COL6A6: variants seen among roughly 807,000 people sequenced by gnomAD.
COL6A6 encodes the protein collagen type VI alpha 6 chain.
Under a neutral mutation model 208.6 loss-of-function variants are expected in COL6A6, and 183 were observed. That is an observed-to-expected ratio of 0.88 (90% CI 0.78 to 0.99). The LOEUF (loss-of-function observed/expected upper bound fraction) is 0.99. COL6A6 is among the 50% of genes least tolerant of loss of function. The pLI is 0.00. For synonymous variants in COL6A6, 973 were observed against 1,011.8 expected, an observed-to-expected ratio of 0.96 and a Z score of 0.73; for missense variants, 2,816 against 2,815.2, an observed-to-expected ratio of 1.00 and a Z score of -0.01.
chr3:130,644,077 T>TA (rs778705822), intron 31 of COL6A6, among the ~76,000 whole-genome samples: 1 of 152,284 alleles, frequency 6.6e-6, no homozygotes, highest in South Asian at 2.1e-4. Flanking sequence ...AGGGACTCCA[T>TA]AAAAAATCGC....
intron 11 of COL6A6, among the ~76,000 whole-genome samples, 173 bp from the exon 12 acceptor site, chr3:130,588,917 C>CA (rs58377635): frequency 0.066 from 4,485 of 67,650 alleles, 189 homozygotes; most frequent in South Asian, 0.12. Context: ...AAGATGGAAG[C>CA]AAAAAAAAAA....
chr3:130,653,032 A>G (rs1421350704), intron 33 of COL6A6, among the ~76,000 whole-genome samples: 2 of 152,226 alleles, frequency 1.3e-5, no homozygotes, highest in Non-Finnish European at 2.9e-5. Context: ...TATGAAGTTG[A>G]GTGGCAAGCT....
intron 31 of COL6A6, among the ~76,000 whole-genome samples, chr3:130,644,139 A>G (rs1043677325): frequency 6.6e-6 from 1 of 152,244 alleles, no homozygotes; most frequent in Non-Finnish European, 1.5e-5. Flanking sequence ...TATTTAGAAC[A>G]AAAAAGAAAT....
Position 130,567,257 on chromosome 3 carries a change from A to G in COL6A6, c.1838A>G (p.Glu613Gly). The change falls in exon 5 of 37, where the codon GAA becomes GGA. Residue 613 changes from glutamate to glycine, a missense_variant. Transcript: ENST00000358511. ...RNQVVQEICTEEACKEMKADI... is the reference protein window; with the variant it reads ...RNQVVQEICTGEACKEMKADI... ...CAAGTTGTTCAAGAAATCTGTACTG[A>G]AGAAGGTAAGAGAAATCGTGGCTTT... 1 of 1,601,504 alleles carries G rather than the reference A, an allele frequency of 6.2e-7. No homozygotes were observed. The highest frequency in any genetic ancestry group is 1.7e-5 in the Admixed American group (1 of 58,942).
At chr3:130,585,855 G>A (rs532661712) in intron 10 of COL6A6, among the ~76,000 whole-genome samples, 3 of 152,358 alleles carry the variant, frequency 2.0e-5, no homozygotes, top group South Asian at 4.1e-4. Context: ...GATTCAGTAA[G>A]TGTGGGATGG....
intron 1 of COL6A6, among the ~76,000 whole-genome samples, chr3:130,559,538 C>T (rs76886111): frequency 0.011 from 1,708 of 152,252 alleles, 14 homozygotes; most frequent in Middle Eastern, 0.034. Context: ...TTAAGCAGGA[C>T]ATGGAGACAC....
Position 130,571,002 on chromosome 3 carries a change from T to C in COL6A6, c.2586T>C (p.Tyr862=). ...KYADDPEVLF[Y]LDDFGTKLEV... ...CTGATGACCCAGAGGTGCTGTTTTA[T>C]CTGGATGACTTTGGCACAAAACTGG... The change falls in exon 7 of 37, where the codon TAT becomes TAC. Residue 862 remains tyrosine, a synonymous_variant. Coordinates refer to ENST00000358511, the MANE Select transcript of COL6A6 (RefSeq NM_001102608.3). 6.2e-7 allele frequency: 1 copy of C among 1,614,002 alleles called. No individual in the cohort carries two copies. Among genetic ancestry groups the C allele is most frequent in the Non-Finnish European group, 8.5e-7 (1 of 1,179,888 alleles).
chr3:130,534,744 C>T (rs529496023), intron 1 of COL6A6, among the ~76,000 whole-genome samples: 39 of 152,088 alleles, frequency 2.6e-4, no homozygotes, highest in African/African-American at 3.6e-4. Context: ...TTTTTTTTCA[C>T]AGCCAGCACC....
At chr3:130,639,103 G>A (rs138622154) in intron 28 of COL6A6, among the ~76,000 whole-genome samples, 31 of 151,888 alleles carry the variant, frequency 2.0e-4, no homozygotes, top group African/African-American at 5.3e-4. Context: ...CTGTTCTGTC[G>A]TCCAGCTTTT....
At position 130,573,859 on chromosome 3, in the gene COL6A6, G is replaced by A. The variant is rs145041870; in HGVS notation, c.2978-97G>A. 2,315 of 863,320 alleles carry A rather than the reference G, an allele frequency of 2.7e-3. 50 individuals are homozygous for A. In the East Asian group the frequency reaches 0.047, roughly 17 times the overall value. The allele number at this position is 863,320 out of a possible 1,614,324, so 53.5% of individuals were successfully genotyped here. ...GCTGGGATTACAGGAGTGAGCCACC[G>A]CGCCCGGCCTATAGCTGCAAACATT... On this transcript the variant is annotated intron_variant, in intron 7 of 36. Coordinates refer to ENST00000358511, the MANE Select transcript of COL6A6 (RefSeq NM_001102608.3).
At chr3:130,659,415 G>A (rs1178175286) in intron 34 of COL6A6, among the ~76,000 whole-genome samples, 1 of 152,200 alleles carries the variant, frequency 6.6e-6, no homozygotes, top group East Asian at 1.9e-4. Context: ...TAATAGCTAA[G>A]AGATATAAAG....
intron 1 of COL6A6, among the ~76,000 whole-genome samples, chr3:130,533,929 ATGTG>A (rs925441329): frequency 4.4e-4 from 67 of 152,154 alleles, no homozygotes; most frequent in African/African-American, 1.6e-3. Flanking sequence ...ATTCCCACGT[ATGTG>A]TGTGTGCACG....
intron 1 of COL6A6, among the ~76,000 whole-genome samples, chr3:130,556,460 C>T (rs1371728691): frequency 6.6e-6 from 1 of 152,052 alleles, no homozygotes; most frequent in Non-Finnish European, 1.5e-5. Flanking sequence ...TTCCAAAGGC[C>T]TGGTGTTTAC....
At chr3:130,592,475 C>T (rs76973073) in intron 13 of COL6A6, 66 bp from the exon 14 acceptor site, 2 of 1,322,152 alleles carry the variant, frequency 1.5e-6, no homozygotes, top group Non-Finnish European at 2.1e-6. Flanking sequence ...AAAAACTTGT[C>T]AAGTTTTCAA....
intron 33 of COL6A6, among the ~76,000 whole-genome samples, chr3:130,654,793 A>T (rs915705059): frequency 1.3e-5 from 2 of 152,188 alleles, no homozygotes; most frequent in African/African-American, 4.8e-5. Context: ...CCGGGGTCTT[A>T]TTATTACTCA....
rs2063236722 is a variant in COL6A6 at position 130,574,150 on chromosome 3, A to C, written c.3172A>C (p.Ile1058Leu). The stretch of plus-strand genomic sequence containing the variant: ...CCCGGAGTTTCCACTGGGAACTTTC[A>C]TAGGTGAAAAAGAGATATCATTTCA... Reference protein sequence around the residue: ...YHPEFPLGTFIGEKEISFQIE... With the variant: ...YHPEFPLGTFLGEKEISFQIE... The change falls in exon 8 of 37, where the codon ATA becomes CTA. Residue 1058 changes from isoleucine to leucine, a missense_variant. Physicochemically the swap from Ile to Leu is conservative, Grantham distance 5. Transcript: ENST00000358511. 1 of 1,614,030 alleles carries C rather than the reference A, an allele frequency of 6.2e-7. No individual in the cohort carries two copies. The highest frequency in any genetic ancestry group is 8.5e-7 in the Non-Finnish European group (1 of 1,179,892).
rs1194162262 is a variant in COL6A6, at chr3:130,581,865, A to G, written c.3852A>G (p.Leu1284=). 10 of 1,611,642 alleles carry G rather than the reference A, an allele frequency of 6.2e-6. No individual in the cohort carries two copies. The highest frequency in any genetic ancestry group is 1.3e-5 in the African/African-American group (1 of 74,868). Residue 1284 remains leucine, a synonymous_variant, in exon 9 of 37, where the codon CTA becomes CTG. Transcript: ENST00000358511. The part of the protein sequence containing the change: ...SLLNANLLDS[L]WDTFQNKSAA... ...TCAATGCAAACCTCTTGGATTCTCT[A>G]TGGGATACATTTCAGAATAAATCAG...
intron 11 of COL6A6, among the ~76,000 whole-genome samples, chr3:130,588,205 A>C (rs2063585087): frequency 6.6e-6 from 1 of 152,248 alleles, no homozygotes; most frequent in Admixed American, 6.5e-5. Flanking sequence ...AGTAGGAAAC[A>C]ATCAAAGGGA....
intron 24 of COL6A6, among the ~76,000 whole-genome samples, chr3:130,625,957 G>A (rs1270367665): frequency 1.3e-5 from 2 of 151,962 alleles, no homozygotes; most frequent in Admixed American, 6.6e-5. Context: ...TTTTTAAAAA[G>A]GAGTTAACTT....
Sources: allele counts gnomAD v4.1 joint callset (sites outside exome capture counted in the v4.1 genomes callset), GRCh38; gene constraint gnomAD v4.1.1; transcripts MANE v1.5; gene names NCBI Gene and HGNC (gene_info 2026-07-23, HGNC 2026-07-21).